RIMS1: variants seen among roughly 807,000 people sequenced by gnomAD.
RIMS1 encodes the protein regulating synaptic membrane exocytosis protein 1.
Under a neutral mutation model 214.1 loss-of-function variants are expected in RIMS1, and 83 were observed. That is an observed-to-expected ratio of 0.39 (90% confidence interval 0.32 to 0.47). The LOEUF (loss-of-function observed/expected upper bound fraction) is 0.47. RIMS1 is among the 20% of genes least tolerant of loss of function. The probability of loss-of-function intolerance (pLI) is 0.99; values close to 1 mark genes in which losing one functional copy is unlikely to be tolerated. For missense variants in RIMS1, 2,050 were observed against 2,161.8 expected, an observed-to-expected ratio of 0.95 and a Z score of 1.03; for synonymous variants, 793 against 786.8, an observed-to-expected ratio of 1.01 and a Z score of -0.13.
intron 3 of RIMS1, among the ~76,000 whole-genome samples, chr6:72,099,135 T>C (rs2153807144): frequency 6.6e-6 from 1 of 152,356 alleles, no homozygotes; most frequent in South Asian, 2.1e-4. Flanking sequence ...AACTGTTAAA[T>C]GCTTTTAACT....
chr6:72,259,134 C>T (rs752616961), intron 18 of RIMS1, 23 bp downstream of exon 18: 3 of 1,602,070 alleles, frequency 1.9e-6, no homozygotes, highest in South Asian at 1.1e-5. Flanking sequence ...ATTATGATCT[C>T]AACGTTATGA....
At chr6:72,226,164 G>A (rs959851632) in intron 6 of RIMS1, among the ~76,000 whole-genome samples, 4 of 152,020 alleles carry the variant, frequency 2.6e-5, no homozygotes, top group African/African-American at 9.7e-5. Context: ...TGTGTTTGTT[G>A]TTCAAGTTTT....
chr6:71,997,866 CT>C (rs1803942613), intron 2 of RIMS1, among the ~76,000 whole-genome samples: 1 of 152,052 alleles, frequency 6.6e-6, no homozygotes, highest in Non-Finnish European at 1.5e-5. Context: ...GTGGTTACTA[CT>C]GTGCCACTCT....
chr6:72,279,027 A>G (rs1280982385), intron 23 of RIMS1, among the ~76,000 whole-genome samples: 2 of 152,130 alleles, frequency 1.3e-5, no homozygotes, highest in East Asian at 1.9e-4. Context: ...AGAACAGACT[A>G]TGTTTTCATT....
chr6:71,985,333 G>A (rs976354203), intron 2 of RIMS1, among the ~76,000 whole-genome samples: 2 of 152,254 alleles, frequency 1.3e-5, no homozygotes, highest in African/African-American at 2.4e-5. Flanking sequence ...CAAGGTTATA[G>A]TGGGCTGTGA....
At chr6:72,274,750 C>G (rs184606086) in intron 23 of RIMS1, among the ~76,000 whole-genome samples, 3 of 152,106 alleles carry the variant, frequency 2.0e-5, no homozygotes, top group African/African-American at 7.2e-5. Flanking sequence ...AATAAAAATT[C>G]TCAGGTGCTT....
intron 2 of RIMS1, among the ~76,000 whole-genome samples, chr6:72,018,197 C>T (rs943223539): frequency 1.8e-4 from 28 of 152,086 alleles, no homozygotes; most frequent in African/African-American, 6.5e-4. Context: ...AGGGTAGTAG[C>T]AGCCTAGGTT....
intron 26 of RIMS1, among the ~76,000 whole-genome samples, chr6:72,296,404 C>G (rs2094099471): frequency 1.3e-5 from 2 of 151,834 alleles, no homozygotes; most frequent in African/African-American, 4.8e-5. Context: ...AATGTTCTGG[C>G]CCTGGCTGCA....
At chr6:72,205,892 A>G (rs1030723479) in intron 6 of RIMS1, among the ~76,000 whole-genome samples, 10 of 152,294 alleles carry the variant, frequency 6.6e-5, no homozygotes, top group South Asian at 2.1e-4. Context: ...ATATATTGTT[A>G]TATTTAATGA....
chr6:72,380,245 C>T (rs776839815), intron 29 of RIMS1, among the ~76,000 whole-genome samples: 6 of 151,874 alleles, frequency 4.0e-5, no homozygotes, highest in Non-Finnish European at 8.8e-5. Context: ...CGGGGTTTGT[C>T]GTGGGGTGGA....
chr6:71,890,202 CAAGATTTTAG>C (rs990877290), intron 1 of RIMS1, among the ~76,000 whole-genome samples: 1 of 151,886 alleles, frequency 6.6e-6, no homozygotes, highest in African/African-American at 2.4e-5. Context: ...ACTTTAAAAT[CAAGATTTTAG>C]AAGATTTTAT....
At chr6:72,301,269 G>A (rs574688134) in intron 26 of RIMS1, among the ~76,000 whole-genome samples, 9 of 151,604 alleles carry the variant, frequency 5.9e-5, no homozygotes, top group Non-Finnish European at 1.2e-4. Flanking sequence ...AAGAAAGTGT[G>A]CCAGAACTAG....
intron 2 of RIMS1, among the ~76,000 whole-genome samples, chr6:72,008,018 T>C (rs1562094895): frequency 6.6e-6 from 1 of 152,082 alleles, no homozygotes; most frequent in Non-Finnish European, 1.5e-5. Context: ...AGACACATAA[T>C]TGTCAGATTC....
intron 24 of RIMS1, 104 bp from the exon 25 acceptor site, chr6:72,290,575 T>C (rs1005632879): frequency 1.1e-6 from 1 of 901,850 alleles, no homozygotes; most frequent in East Asian, 2.7e-5. Flanking sequence ...TCTTTGAAAT[T>C]ACTGTCATGT....
At chr6:71,890,057 G>T (rs1039835036) in intron 1 of RIMS1, among the ~76,000 whole-genome samples, 2 of 152,100 alleles carry the variant, frequency 1.3e-5, no homozygotes, top group African/African-American at 4.8e-5. Flanking sequence ...AATGATGGAT[G>T]AATATGTGAA....
chr6:72,294,684 T>TTA (rs2093865781), intron 26 of RIMS1, among the ~76,000 whole-genome samples: 2 of 151,748 alleles, frequency 1.3e-5, no homozygotes, highest in Non-Finnish European at 3.0e-5. Flanking sequence ...CACTCTCTAT[T>TTA]TATACCATAA....
At chr6:72,316,791 T>G in intron 28 of RIMS1, 3 of 729,174 alleles carry the variant, frequency 4.1e-6, no homozygotes, top group African/African-American at 1.7e-5. Flanking sequence ...CGGTAGACAC[T>G]GGGGACAGTA....
chr6:72,319,056 GATA>G (rs1020181417), intron 28 of RIMS1, among the ~76,000 whole-genome samples: 3 of 151,900 alleles, frequency 2.0e-5, no homozygotes, highest in Admixed American at 6.6e-5. Context: ...ACTTGAAAAG[GATA>G]ATATTTAAAA....
chr6:72,330,720 G>C (rs973551409), intron 28 of RIMS1, among the ~76,000 whole-genome samples: 3 of 151,686 alleles, frequency 2.0e-5, no homozygotes, highest in Admixed American at 1.3e-4. Context: ...AACAGAAGCA[G>C]AACAAATGAA....
Sources: gnomAD v4.1 joint callset for allele counts (sites outside exome capture counted in the v4.1 genomes callset) on GRCh38, gnomAD v4.1.1 for gene constraint, MANE v1.5 for transcripts, NCBI Gene and HGNC (gene_info 2026-07-23, HGNC 2026-07-21) for gene names.